Variants in RAB27A observed in about 807,000 individuals in gnomAD.
RAB27A encodes the protein RAB27A, member RAS oncogene family, also known as ras-related protein Rab-27A.
In RAB27A, 17 loss-of-function variants were observed where a neutral mutation model predicts 20.8. The ratio of observed to expected loss-of-function variants is 0.82; its 90% confidence interval spans 0.56 to 1.23. The LOEUF (loss-of-function observed/expected upper bound fraction) is 1.23, where lower values mean the gene tolerates loss of function less well. Ranked by LOEUF, RAB27A falls within the 50% of genes most tolerant of loss-of-function variation. RAB27A has a pLI of 0.00. For missense variants in RAB27A, 277 were observed against 266.7 expected, an observed-to-expected ratio of 1.04 and a Z score of -0.27; for synonymous variants, 85 against 92.8, an observed-to-expected ratio of 0.92 and a Z score of 0.48.
chr15:55,305,776 T>G (rs2054994089), intron 2 of RAB27A, among the ~76,000 whole-genome samples: 1 of 152,238 alleles, frequency 6.6e-6, no homozygotes, highest in African/African-American at 2.4e-5. Flanking sequence ...GAAGTTAAGT[T>G]GATCTTGCTC....
Position 55,237,694 on chromosome 15 carries a change from C to T in RAB27A, c.-22-2738G>A, listed in dbSNP as rs534883876. Among the ~76,000 whole-genome samples the T allele has an allele frequency of 2.0e-5, 3 of 152,236 alleles. No homozygotes were observed. In the South Asian group the frequency reaches 6.2e-4, roughly 32 times the overall value. On this transcript the variant is annotated intron_variant, in intron 2 of 6. Coordinates refer to ENST00000336787, the MANE Select transcript of RAB27A (RefSeq NM_183235.3). The stretch of plus-strand genomic sequence containing the variant: ...GAAAAGCAAGTCCAGATAATGTTGA[C>T]TCATTTGAGGGCTTCCCCTCAAACT...
intron 2 of RAB27A, among the ~76,000 whole-genome samples, chr15:55,295,872 A>G (rs1433130407): frequency 6.6e-6 from 1 of 151,128 alleles, no homozygotes; most frequent in Non-Finnish European, 1.5e-5. Context: ...ATTTTGCTTC[A>G]ATTTTTTTTT....
intron 1 of RAB27A, chr15:55,317,652 T>G (rs557216467): frequency 2.3e-5 from 9 of 398,578 alleles, no homozygotes; most frequent in African/African-American, 1.8e-4. Context: ...CTTCTGATTC[T>G]TGTACCAACT....
At chr15:55,232,432 A>G (rs1049360734) in intron 3 of RAB27A, among the ~76,000 whole-genome samples, 3 of 152,346 alleles carry the variant, frequency 2.0e-5, no homozygotes, top group African/African-American at 7.2e-5. Flanking sequence ...CAAAACGTAT[A>G]AGACACACAA....
chr15:55,262,724 C>G (rs1897321248), intron 2 of RAB27A, among the ~76,000 whole-genome samples: 1 of 151,468 alleles, frequency 6.6e-6, no homozygotes, highest in African/African-American at 2.4e-5. Context: ...CCTCGGCCTC[C>G]CAGGCTCAGG....
At chr15:55,309,978 G>A (rs551527915) in intron 2 of RAB27A, among the ~76,000 whole-genome samples, 7 of 152,026 alleles carry the variant, frequency 4.6e-5, no homozygotes, top group South Asian at 2.1e-4. Context: ...CGAACAGGAC[G>A]GGCATTCTTT....
At chr15:55,311,511 G>A (rs897389393) in intron 2 of RAB27A, among the ~76,000 whole-genome samples, 1 of 152,078 alleles carries the variant, frequency 6.6e-6, no homozygotes, top group African/African-American at 2.4e-5. Flanking sequence ...AGGGGACGCT[G>A]GGGTAGGGAG....
chr15:55,209,251 CAT>C (rs898872203), intron 6 of RAB27A, among the ~76,000 whole-genome samples: 2 of 152,082 alleles, frequency 1.3e-5, no homozygotes, highest in African/African-American at 4.8e-5. Flanking sequence ...TCTATCAAAC[CAT>C]ATGTTTGTAC....
chr15:55,224,665 C>T (rs1205005613), intron 5 of RAB27A, among the ~76,000 whole-genome samples: 1 of 152,162 alleles, frequency 6.6e-6, no homozygotes, highest in Non-Finnish European at 1.5e-5. Context: ...TGCAAATAGG[C>T]ACAATTATAA....
chr15:55,291,514 A>C (rs1438033864), upstream of RAB27A, among the ~76,000 whole-genome samples: 2 of 10,554 alleles, frequency 1.9e-4, no homozygotes, highest in Non-Finnish European at 3.7e-4. Context: ...CTGTTTCAAA[A>C]AAAAAAAAAA....
intron 1 of RAB27A, chr15:55,317,860 C>T (rs2055063941): frequency 5.1e-6 from 2 of 394,796 alleles, no homozygotes; most frequent in East Asian, 7.2e-5. Context: ...CAGGAAATCT[C>T]TTCAAATCTG....
intron 3 of RAB27A, among the ~76,000 whole-genome samples, chr15:55,233,450 T>C (rs1005861363): frequency 1.3e-5 from 2 of 152,062 alleles, no homozygotes; most frequent in Admixed American, 6.6e-5. Flanking sequence ...AACAGACAAA[T>C]GGATAAACAA....
At chr15:55,311,545 G>C (rs770667173) in intron 2 of RAB27A, among the ~76,000 whole-genome samples, 1 of 152,090 alleles carries the variant, frequency 6.6e-6, no homozygotes, top group South Asian at 2.1e-4. Context: ...GCTTCCCGTA[G>C]GGCATAAATC....
intron 6 of RAB27A, among the ~76,000 whole-genome samples, chr15:55,222,216 A>G (rs1895604316): frequency 1.3e-5 from 2 of 152,228 alleles, no homozygotes; most frequent in Admixed American, 1.3e-4. Context: ...TGTTTCTAAC[A>G]TGGTTAAACA....
intron 2 of RAB27A, among the ~76,000 whole-genome samples, chr15:55,250,905 C>T (rs1439037494): frequency 1.3e-5 from 2 of 152,146 alleles, no homozygotes; most frequent in African/African-American, 4.8e-5. Context: ...TTACATGGCA[C>T]CCCAACATAT....
At chr15:55,278,325 G>A (rs1029902927) in intron 1 of RAB27A, among the ~76,000 whole-genome samples, 4 of 152,096 alleles carry the variant, frequency 2.6e-5, no homozygotes, top group Non-Finnish European at 4.4e-5. Flanking sequence ...TGGGAGCCCT[G>A]GGGTATTTAT....
intron 2 of RAB27A, among the ~76,000 whole-genome samples, chr15:55,262,076 A>C (rs1365198217): frequency 6.6e-6 from 1 of 151,812 alleles, no homozygotes; most frequent in African/African-American, 2.4e-5. Context: ...TCTTTTCATG[A>C]AGATATTGTA....
intron 2 of RAB27A, among the ~76,000 whole-genome samples, chr15:55,303,274 C>A (rs1258526365): frequency 4.4e-5 from 5 of 113,142 alleles, no homozygotes; most frequent in South Asian, 3.1e-4. Flanking sequence ...GGTCAGCCCC[C>A]CGCCTGGCCA....
At chr15:55,257,875 C>T (rs931708873) in intron 2 of RAB27A, among the ~76,000 whole-genome samples, 2 of 152,026 alleles carry the variant, frequency 1.3e-5, no homozygotes, top group African/African-American at 4.8e-5. Flanking sequence ...CACCTATAAT[C>T]CCGGCTACTC....
Sources: allele counts gnomAD v4.1 joint callset (sites outside exome capture counted in the v4.1 genomes callset), GRCh38; gene constraint gnomAD v4.1.1; transcripts MANE v1.5; gene names NCBI Gene and HGNC (gene_info 2026-07-23, HGNC 2026-07-21).